GRM1: variants seen among roughly 807,000 people sequenced by gnomAD.
GRM1 encodes the protein metabotropic glutamate receptor 1.
GRM1 carries 33 observed loss-of-function variants against 90.9 expected under a neutral mutation model. That is an observed-to-expected ratio of 0.36 (90% CI 0.28 to 0.49). GRM1 has a LOEUF of 0.49. Among genes scored for constraint, GRM1 ranks in the 20% least tolerant of loss-of-function variants. The pLI, the probability that GRM1 is intolerant of heterozygous loss-of-function variation, is 0.99. For synonymous variants in GRM1, 700 were observed against 613.2 expected (o/e 1.14, Z -2.09); for missense variants, 1,190 against 1,534.3 (o/e 0.78, Z 3.75).
At chr6:146,367,629 G>A (rs1307390803) in intron 5 of GRM1, among the ~76,000 whole-genome samples, 3 of 152,038 alleles carry the variant, frequency 2.0e-5, no homozygotes, top group African/African-American at 7.2e-5. Flanking sequence ...TGTTTACCGA[G>A]TGTGTAGCTC....
intron 1 of GRM1, among the ~76,000 whole-genome samples, chr6:146,075,480 G>A (rs1776153889): frequency 6.6e-6 from 1 of 152,182 alleles, no homozygotes; most frequent in African/African-American, 2.4e-5. Context: ...ACAGAGCAGG[G>A]TGAGGATGAT....
intron 2 of GRM1, among the ~76,000 whole-genome samples, chr6:146,174,106 C>T (rs1020847145): frequency 6.6e-6 from 1 of 152,048 alleles, no homozygotes; most frequent in Non-Finnish European, 1.5e-5. Context: ...AATTTCTATA[C>T]ATTTTTAAGA....
chr6:146,389,086 G>A (rs1160532491), intron 6 of GRM1, among the ~76,000 whole-genome samples: 2 of 151,992 alleles, frequency 1.3e-5, no homozygotes, highest in Non-Finnish European at 2.9e-5. Context: ...ACTTCATGGT[G>A]TGTGCCTCCT....
At chr6:146,178,556 T>C (rs1778420272) in intron 2 of GRM1, among the ~76,000 whole-genome samples, 1 of 152,208 alleles carries the variant, frequency 6.6e-6, no homozygotes, top group African/African-American at 2.4e-5. Context: ...ATTTTGTGCA[T>C]GAAACAAAGT....
At chr6:146,108,839 G>T (rs1484267983) in intron 1 of GRM1, among the ~76,000 whole-genome samples, 1 of 152,162 alleles carries the variant, frequency 6.6e-6, no homozygotes, top group African/African-American at 2.4e-5. Context: ...TGATGAACTT[G>T]TTGGGAACTG....
intron 2 of GRM1, among the ~76,000 whole-genome samples, chr6:146,197,973 A>G (rs571979482): frequency 6.6e-6 from 1 of 152,250 alleles, no homozygotes; most frequent in Non-Finnish European, 1.5e-5. Context: ...TTAAGATGGT[A>G]GATCTCATGT....
At chr6:146,376,637 G>T (rs1259876732) in intron 5 of GRM1, among the ~76,000 whole-genome samples, 1 of 152,082 alleles carries the variant, frequency 6.6e-6, no homozygotes, top group Non-Finnish European at 1.5e-5. Context: ...CCACTGAGGA[G>T]TCTGCTGCCT....
chr6:146,070,059 G>C (rs1460245657), intron 1 of GRM1, among the ~76,000 whole-genome samples: 1 of 152,052 alleles, frequency 6.6e-6, no homozygotes, highest in African/African-American at 2.4e-5. Context: ...TTCTGTGTTT[G>C]GCTTTGGAGA....
chr6:146,120,149 C>A (rs191306892), intron 1 of GRM1, among the ~76,000 whole-genome samples: 2 of 152,080 alleles, frequency 1.3e-5, no homozygotes, highest in African/African-American at 4.8e-5. Flanking sequence ...CTTGAAGAGG[C>A]CTTTCACATC....
intron 2 of GRM1, among the ~76,000 whole-genome samples, chr6:146,172,707 G>C (rs187431298): frequency 3.3e-5 from 5 of 152,228 alleles, no homozygotes; most frequent in African/African-American, 1.2e-4. Context: ...TGGGATGAGG[G>C]CACTATATTT....
intron 1 of GRM1, among the ~76,000 whole-genome samples, chr6:146,039,229 C>T (rs1408987602): frequency 1.3e-5 from 2 of 151,930 alleles, no homozygotes. Flanking sequence ...TGATTAGCTC[C>T]CTCTGGTCCA....
intron 1 of GRM1, among the ~76,000 whole-genome samples, chr6:146,149,867 A>G (rs534424080): frequency 2.0e-5 from 3 of 152,216 alleles, no homozygotes; most frequent in African/African-American, 7.2e-5. Flanking sequence ...TGCTTGTAAG[A>G]TTCTTTTGTT....
chr6:146,254,491 G>T (rs1251951833), intron 2 of GRM1, among the ~76,000 whole-genome samples: 1 of 152,112 alleles, frequency 6.6e-6, no homozygotes, highest in African/African-American at 2.4e-5. Context: ...TTAAATTGAT[G>T]ACTTTTGACG....
At chr6:146,185,030 A>G (rs1354853358) in intron 2 of GRM1, among the ~76,000 whole-genome samples, 1 of 152,238 alleles carries the variant, frequency 6.6e-6, no homozygotes, top group Non-Finnish European at 1.5e-5. Context: ...TCTGGTCAAC[A>G]AAAGGTCAGC....
At chr6:146,416,241 C>T (rs1777778142) in intron 7 of GRM1, among the ~76,000 whole-genome samples, 1 of 151,920 alleles carries the variant, frequency 6.6e-6, no homozygotes, top group Non-Finnish European at 1.5e-5. Context: ...ATATCAACCA[C>T]TTAATTATTT....
chr6:146,249,687 T>A (rs1781203679), intron 2 of GRM1, among the ~76,000 whole-genome samples: 1 of 152,142 alleles, frequency 6.6e-6, no homozygotes, highest in Non-Finnish European at 1.5e-5. Context: ...GGAGCCCCCA[T>A]ACAGAGTTCC....
At chr6:146,376,871 G>T (rs1400185494) in intron 5 of GRM1, among the ~76,000 whole-genome samples, 1 of 152,082 alleles carries the variant, frequency 6.6e-6, no homozygotes, top group Non-Finnish European at 1.5e-5. Flanking sequence ...GACCAAGTGG[G>T]AGGTAATTGA....
rs906654902 is a variant in GRM1 at position 146,417,545 on chromosome 6, A to G, written c.2661-16327A>G. Among the ~76,000 whole-genome samples, 9 of 152,304 alleles carry G rather than the reference A, an allele frequency of 5.9e-5. No homozygotes were observed. The South Asian group carries it at 8.3e-4, about 14-fold the overall frequency. On this transcript the variant is annotated intron_variant, in intron 7 of 7. Coordinates refer to ENST00000282753, the MANE Select transcript of GRM1 (RefSeq NM_001278064.2). ...GAAATTGTATGATAATTGCTTATTC[A>G]GTTCTGTTTCAGGTTCCATGTGTGA...
chr6:146,159,241 G>C, intron 1 of GRM1, 107 bp from the exon 2 acceptor site: 1 of 1,315,894 alleles, frequency 7.6e-7, no homozygotes, highest in Non-Finnish European at 1.1e-6. Context: ...CAAATTATTT[G>C]GCAAGTCCGT....
Sources: allele counts gnomAD v4.1 joint callset (sites outside exome capture counted in the v4.1 genomes callset), GRCh38; gene constraint gnomAD v4.1.1; transcripts MANE v1.5; gene names NCBI Gene and HGNC (gene_info 2026-07-23, HGNC 2026-07-21).